CCDC144A: variants seen among roughly 807,000 people sequenced by gnomAD.
CCDC144A encodes coiled-coil domain-containing protein 144A.
Under a neutral mutation model 143.8 loss-of-function variants are expected in CCDC144A, and 41 were observed. The ratio of observed to expected loss-of-function variants is 0.29; its 90% CI spans 0.22 to 0.37. The LOEUF is 0.37. Ranked by LOEUF, CCDC144A falls within the 10% of genes least tolerant of loss-of-function variation. CCDC144A has a pLI of 1.00. For missense variants in CCDC144A, 637 were observed against 1,488.8 expected (o/e 0.43, Z 9.41); for synonymous variants, 242 against 517.9 (o/e 0.47, Z 7.23).
the CCDC144A span, among the ~76,000 whole-genome samples, chr17:16,667,354 G>GAGGCTGAGGAGGCTGAGGCGGCTGAGGA: frequency 1.0e-4 from 10 of 96,566 alleles, no homozygotes; most frequent in Non-Finnish European, 1.2e-4. Context: ...AGGAGCTGAG[G>GAGGCTGAGGAGGCTGAGGCGGCTGAGGA]GGCTGAGGCG....
At position 16,708,878 on chromosome 17, in the gene CCDC144A, A is replaced by C; in HGVS notation, c.821A>C (p.Lys274Thr). The change falls in exon 5 of 17, where the codon AAA (lysine) becomes ACA (threonine). Residue 274 changes from lysine to threonine, a missense_variant. Lys to Thr is a moderately conservative substitution (Grantham distance 78, BLOSUM62 -1). Coordinates refer to ENST00000399273, the MANE Select transcript of CCDC144A (RefSeq NM_001382000.1). The part of the protein sequence containing the change: ...PIYPVLPHVQ[K>T]SEEMWIEQGK... ...TATCCAGTACTTCCTCATGTGCAAA[A>C]ATCTGAGGAAATGTGGATTGAACAA... The C allele has an allele frequency of 4.3e-6, 7 of 1,611,848 alleles. No homozygotes were observed. Among genetic ancestry groups the C allele is most frequent in the Non-Finnish European group, 5.9e-6 (7 of 1,179,758 alleles).
chr17:16,759,895 G>A (rs534290745), intron 12 of CCDC144A, among the ~76,000 whole-genome samples: 1 of 152,336 alleles, frequency 6.6e-6, no homozygotes, highest in Non-Finnish European at 1.5e-5. Context: ...GCAAGGCTCA[G>A]TGGGGCCAAC....
At chr17:16,759,731 C>G (rs1480889743) in intron 12 of CCDC144A, among the ~76,000 whole-genome samples, 5 of 152,328 alleles carry the variant, frequency 3.3e-5, no homozygotes, top group Non-Finnish European at 5.9e-5. Context: ...AGCTCCTGGT[C>G]CAATGGTAAT....
chr17:16,684,610 C>T (rs375275768), upstream of CCDC144A, among the ~76,000 whole-genome samples: 2 of 150,858 alleles, frequency 1.3e-5, no homozygotes, highest in Admixed American at 6.6e-5. Flanking sequence ...GCTGAGATCA[C>T]GCCAGTGCAC....
chr17:16,681,712 T>C, the CCDC144A span, among the ~76,000 whole-genome samples: 5 of 151,790 alleles, frequency 3.3e-5, no homozygotes, highest in African/African-American at 1.2e-4. Context: ...TACAAAAAAT[T>C]AGCCGGGTGT....
In CCDC144A at chr17:16,774,233, C is replaced by G. The variant is rs62075076; in HGVS notation, c.*600C>G. ...CACATTTTAGGAAAAACAGCTTTCC[C>G]CCTGTGGGCCATTTGAGAGTAAATT... On this transcript the variant is annotated 3_prime_UTR_variant, in exon 17 of 17. Transcript: ENST00000399273. 0.15 allele frequency: 18,629 copies of G among 127,202 alleles called. 644 individuals are homozygous for G. The highest frequency in any genetic ancestry group is 0.3 in the African/African-American group (10,148 of 34,074). The allele number at this position is 127,202 out of a possible 1,614,324, so 7.9% of individuals were successfully genotyped here.
intron 12 of CCDC144A, among the ~76,000 whole-genome samples, chr17:16,737,162 CTTTTTTTTT>C (rs757856458): frequency 1.6e-3 from 163 of 102,674 alleles, no homozygotes; most frequent in Middle Eastern, 6.5e-3. Flanking sequence ...AGAGTTAAAT[CTTTTTTTTT>C]TTTTTTTTTT....
intron 6 of CCDC144A, among the ~76,000 whole-genome samples, chr17:16,717,905 C>T (rs1328994585): frequency 6.6e-6 from 1 of 152,082 alleles, no homozygotes; most frequent in Non-Finnish European, 1.5e-5. Context: ...AAAAAATGTA[C>T]CTCAAAATAA....
intron 12 of CCDC144A, among the ~76,000 whole-genome samples, chr17:16,751,368 AATG>A (rs200537102): frequency 2.5e-4 from 38 of 152,124 alleles, no homozygotes; most frequent in Admixed American, 4.6e-4. Flanking sequence ...GAAGGTATAT[AATG>A]ATTTTTGTTT....
At chr17:16,708,178 G>A (rs2143112707) in intron 4 of CCDC144A, among the ~76,000 whole-genome samples, 1 of 152,096 alleles carries the variant, frequency 6.6e-6, no homozygotes, top group African/African-American at 2.4e-5. Flanking sequence ...TGTTATTAGG[G>A]GACCATAGTA....
At chr17:16,773,399 G>A (rs1915897216) in intron 16 of CCDC144A, 98 bp from the exon 17 acceptor site, 13 of 1,452,084 alleles carry the variant, frequency 9.0e-6, no homozygotes, top group Non-Finnish European at 1.2e-5. Context: ...AGTGACCTGT[G>A]ATCACACCAT....
chr17:16,679,140 A>G, the CCDC144A span, among the ~76,000 whole-genome samples: 1 of 151,880 alleles, frequency 6.6e-6, no homozygotes, highest in Non-Finnish European at 1.5e-5. Flanking sequence ...CCTGGCCTCA[A>G]GTGATTTTCT....
At chr17:16,719,866 C>T (rs556149163) in intron 6 of CCDC144A, among the ~76,000 whole-genome samples, 1 of 152,122 alleles carries the variant, frequency 6.6e-6, no homozygotes, top group African/African-American at 2.4e-5. Context: ...TGAGAAGACC[C>T]TGGTATATTT....
chr17:16,746,165 T>C lies in CCDC144A; in HGVS notation c.3372+10522T>C, dbSNP rs552568920. ...CAGTATCAATCTCCTCTCCTCTTTC[T>C]TTTGGTTTCTCTGTGGTTGGTTCCT... On this transcript the variant is annotated intron_variant, in intron 12 of 16. Transcript: ENST00000399273. The C allele has an allele frequency of 1.4e-4, 217 of 1,547,632 alleles. No individual in the cohort carries two copies. The African/African-American group carries it at 2.4e-3, about 17-fold the overall frequency.
chr17:16,770,936 T>G (rs1915802769), intron 15 of CCDC144A, among the ~76,000 whole-genome samples: 1 of 152,148 alleles, frequency 6.6e-6, no homozygotes, highest in African/African-American at 2.4e-5. Flanking sequence ...CTATAATGTT[T>G]TTGTCACAGA....
intron 12 of CCDC144A, among the ~76,000 whole-genome samples, chr17:16,744,260 A>G (rs1914389256): frequency 6.6e-6 from 1 of 151,742 alleles, no homozygotes; most frequent in African/African-American, 2.4e-5. Flanking sequence ...CGTGAGAGAA[A>G]CCTCCAAACT....
At chr17:16,759,671 T>A (rs1469632357) in intron 12 of CCDC144A, among the ~76,000 whole-genome samples, 1 of 152,056 alleles carries the variant, frequency 6.6e-6, no homozygotes, top group Non-Finnish European at 1.5e-5. Context: ...TCTTTAAAAC[T>A]CTTCTTGTTT....
Position 16,775,852 on chromosome 17 carries a change from T to A in CCDC144A, c.*2219T>A, listed in dbSNP as rs1915984337. 1 of 152,286 alleles carries A rather than the reference T, an allele frequency of 6.6e-6. No individual in the cohort carries two copies. The allele number at this position is 152,286 out of a possible 1,614,324, so 9.4% of individuals were successfully genotyped here. A position where few individuals can be genotyped will look rare whatever the true frequency, so the allele number is the denominator to read the frequency against. ...TATAGTTTTGGGTTGTAGATTTAAGTCTTTAATCCATCTTGAGTTAACTTT... is the reference window on the plus strand; with the variant it reads ...TATAGTTTTGGGTTGTAGATTTAAGACTTTAATCCATCTTGAGTTAACTTT... On this transcript the variant is annotated 3_prime_UTR_variant, in exon 17 of 17. Transcript: ENST00000399273.
intron 12 of CCDC144A, among the ~76,000 whole-genome samples, chr17:16,749,539 G>T (rs1914690884): frequency 6.6e-6 from 1 of 152,178 alleles, no homozygotes; most frequent in African/African-American, 2.4e-5. Context: ...TGTTCTTTGT[G>T]CAGATGAGAA....
Sources: gnomAD v4.1 joint callset for allele counts (sites outside exome capture counted in the v4.1 genomes callset) on GRCh38, gnomAD v4.1.1 for gene constraint, MANE v1.5 for transcripts, NCBI Gene and HGNC (gene_info 2026-07-23, HGNC 2026-07-21) for gene names.